ZNF681: variants seen among roughly 807,000 people sequenced by gnomAD.
ZNF681 encodes zinc finger protein 681.
In ZNF681, 37 loss-of-function variants were observed where a neutral mutation model predicts 56.0. The ratio of observed to expected loss-of-function variants is 0.66; its 90% CI spans 0.51 to 0.87. The LOEUF (loss-of-function observed/expected upper bound fraction) is 0.87. ZNF681 is among the 40% of genes least tolerant of loss of function. The pLI is 0.00. For missense variants in ZNF681, 741 were observed against 744.9 expected (o/e 0.99, Z 0.06); for synonymous variants, 225 against 248.6 (o/e 0.91, Z 0.89).
intron 1 of ZNF681, among the ~76,000 whole-genome samples, chr19:23,756,476 A>T (rs918082990): frequency 6.6e-6 from 1 of 152,212 alleles, no homozygotes; most frequent in Non-Finnish European, 1.5e-5. Context: ...AAAGAATGAG[A>T]TCATGTATTT....
rs1478993890 is a variant in ZNF681, at chr19:23,739,523, A to G, written c.*4089T>C. On this transcript the variant is annotated 3_prime_UTR_variant, in exon 4 of 4. Transcript: ENST00000402377. ...GTTAACTATGTTAGGTAAAGCATTA[A>G]TTACCTAGAATGAAGCATTTGACAA... 1 of 152,222 alleles carries G rather than the reference A, an allele frequency of 6.6e-6. No individual in the cohort carries two copies. The highest frequency in any genetic ancestry group is 2.4e-5 in the African/African-American group (1 of 41,452). The allele number at this position is 152,222 out of a possible 1,614,324, so 9.4% of individuals were successfully genotyped here.
In ZNF681 at chr19:23,744,868, A is replaced by G. The variant is rs558171906; in HGVS notation, c.682T>C (p.Cys228Arg). The stretch of plus-strand genomic sequence containing the variant: ...TTACAGGCTTTGCCACATTCTTCAC[A>G]TATGTACGATTTCTCTCCAATATGA... ...RIHIGEKSYI[C>R]EECGKACNQF... The change falls in exon 4 of 4, where the codon TGT (cysteine) becomes CGT (arginine). Residue 228 changes from cysteine to arginine, a missense_variant. Transcript: ENST00000402377. The G allele has an allele frequency of 6.8e-6, 11 of 1,613,258 alleles. No individual in the cohort carries two copies. The African/African-American group carries it at 1.1e-4, about 16-fold the overall frequency.
In ZNF681 at chr19:23,744,775, A is replaced by C; in HGVS notation, c.775T>G (p.Cys259Gly). Reference sequence around the variant, plus strand: ...GACGACAGGTTAAAGGCTTTGCTACATTCTTCACGTTTGTAGAGTTTGTCT... The same window carrying C: ...GACGACAGGTTAAAGGCTTTGCTACCTTCTTCACGTTTGTAGAGTTTGTCT... ...TRDKLYKREECSKAFNLSSHI... is the reference protein window; with the variant it reads ...TRDKLYKREEGSKAFNLSSHI... The change falls in exon 4 of 4, where the codon TGT (cysteine) becomes GGT (glycine). Residue 259 changes from cysteine (C) to glycine (G), a missense_variant. Physicochemically the swap from Cys to Gly is radical, Grantham distance 159. Coordinates refer to ENST00000402377, the MANE Select transcript of ZNF681 (RefSeq NM_138286.3). 3 of 1,613,096 alleles carry C rather than the reference A, an allele frequency of 1.9e-6. 1 individual carries two copies. In the South Asian group the frequency reaches 3.3e-5, roughly 18 times the overall value.
At position 23,740,323 on chromosome 19, in the gene ZNF681, C is replaced by G. The variant is rs1968861658; in HGVS notation, c.*3289G>C. 1 of 152,170 alleles carries G rather than the reference C, an allele frequency of 6.6e-6. No homozygotes were observed. The highest frequency in any genetic ancestry group is 2.4e-5 in the African/African-American group (1 of 41,526). The allele number at this position is 152,170 out of a possible 1,614,324, so 9.4% of individuals were successfully genotyped here. The stretch of plus-strand genomic sequence containing the variant: ...CAGTGAGAAAACTGTAGCCACAGCA[C>G]AGCAAAAAGGAGGGCTGTGATGCAT... On this transcript the variant is annotated 3_prime_UTR_variant, in exon 4 of 4. Coordinates refer to ENST00000402377, the MANE Select transcript of ZNF681 (RefSeq NM_138286.3).
rs1968894853 is a variant in ZNF681, at chr19:23,743,489, T to C, written c.*123A>G. 1 of 864,188 alleles carries C rather than the reference T, an allele frequency of 1.2e-6. No homozygotes were observed. Among genetic ancestry groups the C allele is most frequent in the Middle Eastern group, 3.7e-4 (1 of 2,730 alleles). The allele number at this position is 864,188 out of a possible 1,614,324, so 53.5% of individuals were successfully genotyped here. A position where few individuals can be genotyped will look rare whatever the true frequency, so the allele number is the denominator to read the frequency against. The stretch of plus-strand genomic sequence containing the variant: ...ACAAATGCTTTCCTGTGCAATAAGG[T>C]GTGAGCATTGGTTAAAAGTTTTGCC... On this transcript the variant is annotated 3_prime_UTR_variant, in exon 4 of 4. Transcript: ENST00000402377.
rs552691417 is a variant in ZNF681 at position 23,743,727 on chromosome 19, T to A, written c.1823A>T (p.His608Leu). ...TTTCTCACCAGTATGAATTTTCTTA[T>A]GTCCAGTAAGGTTTGAGGACTGGTT... ...AFNQSSNLTGHKKIHTGEKLY... is the reference protein window; with the variant it reads ...AFNQSSNLTGLKKIHTGEKLY... Residue 608 changes from histidine to leucine, a missense_variant, in exon 4 of 4, where the codon CAT (histidine) becomes CTT (leucine). Transcript: ENST00000402377. The A allele has an allele frequency of 6.2e-7, 1 of 1,612,968 alleles. No homozygotes were observed. Among genetic ancestry groups the A allele is most frequent in the Admixed American group, 1.7e-5 (1 of 59,874 alleles).
At chr19:23,758,458 C>T (rs1185161418) in intron 1 of ZNF681, among the ~76,000 whole-genome samples, 3 of 152,200 alleles carry the variant, frequency 2.0e-5, no homozygotes, top group Admixed American at 1.3e-4. Flanking sequence ...TCAGGATTCG[C>T]CCCTGACGAC....
At chr19:23,746,691 G>A (rs182253861) in intron 3 of ZNF681, among the ~76,000 whole-genome samples, 5 of 152,316 alleles carry the variant, frequency 3.3e-5, no homozygotes, top group African/African-American at 9.6e-5. Flanking sequence ...TTTGGGGAAC[G>A]TGAACATTCA....
rs368732075 is a variant in ZNF681 at position 23,743,534 on chromosome 19, GT to G, written c.*77del. 8.8e-4 allele frequency: 1,112 copies of G among 1,262,318 alleles called. 10 individuals are homozygous for G. The highest frequency in any genetic ancestry group is 6.6e-3 in the African/African-American group (436 of 65,958). The allele number at this position is 1,262,318 out of a possible 1,614,324, so 78.2% of individuals were successfully genotyped here. ...TTTGCCACATTCTTCACACTTGTAG[GT>G]TTTTTTTTAGTATGAATTATCTTAT... On this transcript the variant is annotated 3_prime_UTR_variant, in exon 4 of 4. Transcript: ENST00000402377.
At position 23,743,685 on chromosome 19, in the gene ZNF681, C is replaced by A; in HGVS notation, c.1865G>T (p.Arg622Ile). 1 of 1,600,922 alleles carries A rather than the reference C, an allele frequency of 6.2e-7. No homozygotes were observed. The highest frequency in any genetic ancestry group is 1.1e-5 in the South Asian group (1 of 88,874). ...HTGEKLYKPK[R>I]CNSDFENTSK... ...AGTGTTTTCAAAATCACTGTTACAT[C>A]TTTTAGGTTTGTAGAGTTTCTCACC... is the stretch of plus-strand genomic sequence containing the variant. The change falls in exon 4 of 4, where the codon AGA (arginine) becomes ATA (isoleucine). Residue 622 changes from arginine to isoleucine, a missense_variant. Arg to Ile is a moderately conservative substitution (Grantham distance 97). Transcript: ENST00000402377.
chr19:23,751,852 A>AT (rs373597749), intron 3 of ZNF681, among the ~76,000 whole-genome samples: 1 of 151,646 alleles, frequency 6.6e-6, no homozygotes, highest in Non-Finnish European at 1.5e-5. Flanking sequence ...TGCCTGGCTA[A>AT]TTTTTTTTGT....
intron 3 of ZNF681, among the ~76,000 whole-genome samples, chr19:23,751,705 A>G (rs12975372): frequency 0.46 from 69,835 of 150,882 alleles, 16,837 homozygotes; most frequent in Non-Finnish European, 0.56. Context: ...TATTTTTTTG[A>G]GATGGAGTCT....
rs990068655 is a variant in ZNF681, at chr19:23,741,579, T to C, written c.*2033A>G. ...CAAAAATTAGCTGAGTGTGGTGGCA[T>C]GCGCCTGTAGTCCCAACTACTCAGG... is the stretch of plus-strand genomic sequence containing the variant. On this transcript the variant is annotated 3_prime_UTR_variant, in exon 4 of 4. Transcript: ENST00000402377. 2 of 152,056 alleles carry C rather than the reference T, an allele frequency of 1.3e-5. No homozygotes were observed. Among genetic ancestry groups the C allele is most frequent in the Non-Finnish European group, 2.9e-5 (2 of 68,040 alleles). 9.4% of individuals were successfully genotyped at this position (152,056 alleles called of 1,614,324 possible). A position where few individuals can be genotyped will look rare whatever the true frequency, so the allele number is the denominator to read the frequency against.
In ZNF681 at chr19:23,743,629, CATA is replaced by C. The variant is rs1183839919; in HGVS notation, c.1918_1920del (p.Tyr640del). 6.7e-7 allele frequency: 1 copy of C among 1,501,314 alleles called. No homozygotes were observed. The highest frequency in any genetic ancestry group is 2.4e-5 in the East Asian group (1 of 41,744). 93.0% of individuals were successfully genotyped at this position (1,501,314 alleles called of 1,614,324 possible). ...TCACATTTCTAAGATTTCTCACCAGCATAATTTCTTTTATGTTTAGAAAACTTT... is the reference window on the plus strand; with the variant it reads ...TCACATTTCTAAGATTTCTCACCAGCATTTCTTTTATGTTTAGAAAACTTT... On this transcript the variant is annotated inframe_deletion, in exon 4 of 4. Transcript: ENST00000402377.
intron 1 of ZNF681, among the ~76,000 whole-genome samples, chr19:23,756,655 C>T (rs917528652): frequency 5.9e-5 from 9 of 151,588 alleles, no homozygotes; most frequent in South Asian, 2.1e-4. Context: ...GGTGGAGGGA[C>T]AAGGAGAGAA....
chr19:23,753,566 T>C (rs971543030), intron 3 of ZNF681, among the ~76,000 whole-genome samples: 1 of 152,280 alleles, frequency 6.6e-6, no homozygotes. Context: ...ATAAATACTG[T>C]TAAAGTGCCA....
Position 23,742,829 on chromosome 19 carries a change from A to T in ZNF681, c.*783T>A, listed in dbSNP as rs1351309038. 4.6e-5 allele frequency: 7 copies of T among 152,128 alleles called. No individual in the cohort carries two copies. Among genetic ancestry groups the T allele is most frequent in the Admixed American group, 4.6e-4 (7 of 15,244 alleles). The allele number at this position is 152,128 out of a possible 1,614,324, so 9.4% of individuals were successfully genotyped here. ...CATTATTCACTTTTCATAAAACCTAATTTTTTTCAAAGGATAGTTTGAATG... is the reference window on the plus strand; with the variant it reads ...CATTATTCACTTTTCATAAAACCTATTTTTTTTCAAAGGATAGTTTGAATG... On this transcript the variant is annotated 3_prime_UTR_variant, in exon 4 of 4. Coordinates refer to ENST00000402377, the MANE Select transcript of ZNF681 (RefSeq NM_138286.3).
chr19:23,754,710 C>A, intron 3 of ZNF681, 113 bp downstream of exon 3: 1 of 903,914 alleles, frequency 1.1e-6, no homozygotes, highest in Non-Finnish European at 1.8e-6. Flanking sequence ...TTTCCAGAAA[C>A]TATTTCCTTT....
chr19:23,755,578 C>CACACAT (rs1568312740), intron 1 of ZNF681, 27 bp from the exon 2 acceptor site: 1 of 1,437,246 alleles, frequency 7.0e-7, no homozygotes, highest in African/African-American at 1.6e-5. Context: ...CACACACACA[C>CACACAT]ACACACACAC....
Sources: allele counts gnomAD v4.1 joint callset (sites outside exome capture counted in the v4.1 genomes callset), GRCh38; gene constraint gnomAD v4.1.1; transcripts MANE v1.5; gene names NCBI Gene and HGNC (gene_info 2026-07-23, HGNC 2026-07-21).